Variants in C1orf53 observed in about 807,000 individuals in gnomAD.
C1orf53 encodes the protein uncharacterized protein C1orf53.
Under a neutral mutation model 17.5 loss-of-function variants are expected in C1orf53, and 23 were observed. The observed-to-expected ratio is 1.31, with a 90% confidence interval of 0.94 to 1.86. The LOEUF (loss-of-function observed/expected upper bound fraction) is 1.86. C1orf53 is among the 40% of genes most tolerant of loss of function. The probability of loss-of-function intolerance (pLI) is 0.00; values close to 1 mark genes in which losing one functional copy is unlikely to be tolerated. For synonymous variants in C1orf53, 108 were observed against 81.9 expected (o/e 1.32, Z -1.72); for missense variants, 255 against 193.2 (o/e 1.32, Z -1.89).
At chr1:197,903,826 T>G (rs1293435774) in intron 1 of C1orf53, among the ~76,000 whole-genome samples, 5 of 152,232 alleles carry the variant, frequency 3.3e-5, no homozygotes, top group Admixed American at 3.3e-4. Context: ...GTGCTGAAAC[T>G]GAATAAAGAC....
rs1028538315 is a variant in C1orf53, at chr1:197,907,319, A to G, written c.*99A>G. The stretch of plus-strand genomic sequence containing the variant: ...ATTATTAGTACTTGAACACTAGTTT[A>G]ATCCTAAATACATATATTAAAAGAA... On this transcript the variant is annotated 3_prime_UTR_variant, in exon 3 of 3. Transcript: ENST00000367393. 6 of 587,454 alleles carry G rather than the reference A, an allele frequency of 1.0e-5. No individual in the cohort carries two copies. Among genetic ancestry groups the G allele is most frequent in the Non-Finnish European group, 1.8e-5 (6 of 334,632 alleles). The allele number at this position is 587,454 out of a possible 1,614,324, so 36.4% of individuals were successfully genotyped here.
chr1:197,907,248 G>T lies in C1orf53; in HGVS notation c.*28G>T. 7.5e-7 allele frequency: 1 copy of T among 1,332,324 alleles called. No homozygotes were observed. The allele number at this position is 1,332,324 out of a possible 1,614,324, so 82.5% of individuals were successfully genotyped here. On this transcript the variant is annotated 3_prime_UTR_variant, in exon 3 of 3. Coordinates refer to ENST00000367393, the MANE Select transcript of C1orf53 (RefSeq NM_001024594.3). ...AGAATTTCATCTCTGTTCCCTAACT[G>T]TGCTTGTATTTTTTAAAAAATAAAG...
intron 1 of C1orf53, among the ~76,000 whole-genome samples, chr1:197,903,124 G>A (rs1456284263): frequency 6.6e-6 from 1 of 152,242 alleles, no homozygotes; most frequent in East Asian, 1.9e-4. Context: ...TCTTGAGTAT[G>A]AGTGTGATTT....
At chr1:197,906,313 G>A (rs892952030) in intron 2 of C1orf53, among the ~76,000 whole-genome samples, 5 of 152,080 alleles carry the variant, frequency 3.3e-5, no homozygotes, top group African/African-American at 4.8e-5. Flanking sequence ...GTTTCCTTCA[G>A]ATAATGATTT....
chr1:197,902,890 G>T lies in C1orf53; in HGVS notation c.241G>T (p.Glu81Ter). Residue 81 changes from glutamate (E) to a stop codon, truncating the protein, a stop_gained, in exon 1 of 3, where the codon GAG (glutamate) becomes TAG (stop). Coordinates refer to ENST00000367393, the MANE Select transcript of C1orf53 (RefSeq NM_001024594.3). LOFTEE classifies it high-confidence loss of function. The part of the protein sequence containing the change: ...ELTAAERQIA[E>*]LHAAACAAGQ... The stretch of plus-strand genomic sequence containing the variant: ...AACCGCGGCGGAGCGACAGATCGCG[G>T]AGCTGCACGCTGCCGCCTGCGCGGT... The T allele has an allele frequency of 6.7e-7, 1 of 1,487,702 alleles. No homozygotes were observed. Among genetic ancestry groups the T allele is most frequent in the Non-Finnish European group, 8.9e-7 (1 of 1,123,118 alleles). The allele number at this position is 1,487,702 out of a possible 1,614,324, so 92.2% of individuals were successfully genotyped here.
At chr1:197,903,047 CTCGGGCGACAT>C in intron 1 of C1orf53, 134 bp downstream of exon 1, 1 of 829,778 alleles carries the variant, frequency 1.2e-6, no homozygotes, top group African/African-American at 1.8e-5. Context: ...GCGGTCCTGC[CTCGGGCGACAT>C]TCGCGCACGC....
chr1:197,902,692 T>TGCAGGCAACCTTCCGCCGCCCC lies in C1orf53; in HGVS notation c.46_67dup (p.Pro23GlnfsTer30). ...CTGGGCACGGACGGGTGCCGCGCTCTGCAGGCAACCTTCCGCCGCCCCGCC... is the reference window on the plus strand; with the variant it reads ...CTGGGCACGGACGGGTGCCGCGCTCTGCAGGCAACCTTCCGCCGCCCCGCAGGCAACCTTCCGCCGCCCCGCC... On this transcript the variant is annotated frameshift_variant, in exon 1 of 3. Coordinates refer to ENST00000367393, the MANE Select transcript of C1orf53 (RefSeq NM_001024594.3). LOFTEE classifies it high-confidence loss of function. The TGCAGGCAACCTTCCGCCGCCCC allele has an allele frequency of 6.6e-7, 1 of 1,511,826 alleles. No homozygotes were observed. Among genetic ancestry groups the TGCAGGCAACCTTCCGCCGCCCC allele is most frequent in the Admixed American group, 2.1e-5 (1 of 48,322 alleles). The allele number at this position is 1,511,826 out of a possible 1,614,324, so 93.7% of individuals were successfully genotyped here. A position where few individuals can be genotyped will look rare whatever the true frequency, so the allele number is the denominator to read the frequency against.
chr1:197,903,800 G>C (rs1659477683), intron 1 of C1orf53, among the ~76,000 whole-genome samples: 1 of 152,092 alleles, frequency 6.6e-6, no homozygotes, highest in Admixed American at 6.6e-5. Flanking sequence ...ATCCACTGTC[G>C]GTCTGACCCA....
At position 197,907,082 on chromosome 1, in the gene C1orf53, G is replaced by T; in HGVS notation, c.367-67G>T. ...GTTAACAGTCTCTTTTTGTCACCAT[G>T]AGAAGTGTGCTTTTTCAAGATGATT... is the stretch of plus-strand genomic sequence containing the variant. On this transcript the variant is annotated intron_variant, in intron 2 of 2. Coordinates refer to ENST00000367393, the MANE Select transcript of C1orf53 (RefSeq NM_001024594.3). The T allele has an allele frequency of 3.2e-6, 3 of 952,184 alleles. No homozygotes were observed. The South Asian group carries it at 4.7e-5, about 15-fold the overall frequency. 59.0% of individuals were successfully genotyped at this position (952,184 alleles called of 1,614,324 possible).
In C1orf53 at chr1:197,905,894, A is replaced by C; in HGVS notation, c.363A>C (p.Arg121Ser). The stretch of plus-strand genomic sequence containing the variant: ...GTGAATGTTGTGGCTCTGCGTGCAG[A>C]CATGTGAGTAGCAATTCTTGCATTA... ...QRGECCGSAC[R>S]HCPYGQVNVK... Residue 121 changes from arginine (R) to serine (S), a missense_variant, in exon 2 of 3, where the codon AGA (arginine) becomes AGC (serine). Physicochemically the swap from Arg to Ser is moderately radical, Grantham distance 110. Transcript: ENST00000367393. 6.2e-7 allele frequency: 1 copy of C among 1,611,220 alleles called. No homozygotes were observed.
At chr1:197,904,558 T>C (rs1659491473) in intron 1 of C1orf53, among the ~76,000 whole-genome samples, 2 of 152,168 alleles carry the variant, frequency 1.3e-5, no homozygotes, top group South Asian at 4.1e-4. Context: ...AATAAAGAAG[T>C]GAGGCCCTGA....
At chr1:197,903,054 G>A (rs554699016) in intron 1 of C1orf53, 141 bp downstream of exon 1, 8 of 758,934 alleles carry the variant, frequency 1.1e-5, no homozygotes, top group Non-Finnish European at 1.5e-5. Context: ...TGCCTCGGGC[G>A]ACATTCGCGC....
intron 1 of C1orf53, 22 bp from the exon 2 acceptor site, chr1:197,905,774 G>C (rs1177056972): frequency 6.8e-7 from 1 of 1,474,174 alleles, no homozygotes; most frequent in Non-Finnish European, 9.5e-7. Flanking sequence ...TTAATGAATT[G>C]TTTCATTTTA....
rs767703501 is a variant in C1orf53, at chr1:197,907,177, A to G, written c.395A>G (p.Asp132Gly). The G allele has an allele frequency of 3.8e-5, 60 of 1,583,294 alleles. No individual in the cohort carries two copies. The highest frequency in any genetic ancestry group is 5.0e-5 in the Non-Finnish European group (58 of 1,156,898). Reference sequence around the variant, plus strand: ...CCATATGGTCAAGTCAATGTTAAAGATCCATCTAAAAAGAAGCAATTCAAT... The same window carrying G: ...CCATATGGTCAAGTCAATGTTAAAGGTCCATCTAAAAAGAAGCAATTCAAT... ...HCPYGQVNVK[D>G]PSKKKQFNSY... The change falls in exon 3 of 3, where the codon GAT (aspartate) becomes GGT (glycine). Residue 132 changes from aspartate (D) to glycine (G), a missense_variant. Coordinates refer to ENST00000367393, the MANE Select transcript of C1orf53 (RefSeq NM_001024594.3).
chr1:197,902,868 C>T lies in C1orf53; in HGVS notation c.219C>T (p.Thr73=), dbSNP rs768002836. ...GGCCTTCGGTGAGCGAAGAGTTAAC[C>T]GCGGCGGAGCGACAGATCGCGGAGC... ...AARPSVSEEL[T]AAERQIAELH... The change falls in exon 1 of 3, where the codon ACC becomes ACT. Residue 73 remains threonine, a synonymous_variant. Transcript: ENST00000367393. 39 of 1,520,504 alleles carry T rather than the reference C, an allele frequency of 2.6e-5. 1 individual carries two copies. Among genetic ancestry groups the T allele is most frequent in the Admixed American group, 4.1e-5 (2 of 49,382 alleles). 94.2% of individuals were successfully genotyped at this position (1,520,504 alleles called of 1,614,324 possible).
chr1:197,906,809 T>A (rs1448098233), intron 2 of C1orf53, among the ~76,000 whole-genome samples: 1 of 152,250 alleles, frequency 6.6e-6, no homozygotes, highest in Non-Finnish European at 1.5e-5. Flanking sequence ...GGATTAAAAA[T>A]TAAACCTTCC....
rs1423423781 is a variant in C1orf53, at chr1:197,902,655, G to A, written c.6G>A (p.Ala2=). 5 of 1,451,666 alleles carry A rather than the reference G, an allele frequency of 3.4e-6. No homozygotes were observed. The highest frequency in any genetic ancestry group is 4.5e-6 in the Non-Finnish European group (5 of 1,107,008). The allele number at this position is 1,451,666 out of a possible 1,614,324, so 89.9% of individuals were successfully genotyped here. Residue 2 remains alanine (A), a synonymous_variant, in exon 1 of 3, where the codon GCG becomes GCA. Transcript: ENST00000367393. The part of the protein sequence containing the change: M[A]ARQIWARTGA... ...CTCCCAAGGCCGGCGGCGGCATGGC[G>A]GCCAGGCAGATCTGGGCACGGACGG...
At position 197,902,980 on chromosome 1, in the gene C1orf53, C is replaced by T. The variant is rs1171558840; in HGVS notation, c.264+67C>T. ...CCGGGCTCGGCGCGCCTGCGCATCC[C>T]GGGCCTCTCCGGACCCGGAGGCCGC... On this transcript the variant is annotated intron_variant, in intron 1 of 2. Transcript: ENST00000367393. 82 of 1,298,202 alleles carry T rather than the reference C, an allele frequency of 6.3e-5. No homozygotes were observed. In the East Asian group the frequency reaches 2.4e-3, roughly 38 times the overall value. 80.4% of individuals were successfully genotyped at this position (1,298,202 alleles called of 1,614,324 possible). A position where few individuals can be genotyped will look rare whatever the true frequency, so the allele number is the denominator to read the frequency against.
chr1:197,905,796 G>C lies in C1orf53; in HGVS notation c.265G>C (p.Ala89Pro), dbSNP rs536041809. Residue 89 changes from alanine to proline, a missense_variant and splice_region_variant, in exon 2 of 3, where the codon GCT (alanine) becomes CCT (proline). By Grantham distance (27) the Ala-to-Pro change is conservative. Transcript: ENST00000367393. The part of the protein sequence containing the change: ...IAELHAAACA[A>P]GQLNYVDPAT... Reference sequence around the variant, plus strand: ...ATTGTTTCATTTTATTGCACTTCAGGCTGGCCAGCTAAACTATGTGGATCC... The same window carrying C: ...ATTGTTTCATTTTATTGCACTTCAGCCTGGCCAGCTAAACTATGTGGATCC... 10 of 1,607,594 alleles carry C rather than the reference G, an allele frequency of 6.2e-6. No individual in the cohort carries two copies. The African/African-American group carries it at 1.2e-4, about 19-fold the overall frequency.
Sources: gnomAD v4.1 joint callset for allele counts (sites outside exome capture counted in the v4.1 genomes callset) on GRCh38, gnomAD v4.1.1 for gene constraint, MANE v1.5 for transcripts, NCBI Gene and HGNC (gene_info 2026-07-23, HGNC 2026-07-21) for gene names.